Variants in PLD5 observed in about 807,000 individuals in gnomAD.
PLD5 encodes the protein phospholipase D family member 5.
A neutral mutation model predicts 61.1 loss-of-function variants in PLD5; 36 were observed. The observed-to-expected ratio is 0.59, with a 90% CI of 0.45 to 0.78. The LOEUF is 0.78. Among genes scored for constraint, PLD5 ranks in the 30% least tolerant of loss-of-function variants. The probability of loss-of-function intolerance (pLI) is 0.00; values close to 1 mark genes in which losing one functional copy is unlikely to be tolerated. For synonymous variants in PLD5, 243 were observed against 242.8 expected (o/e 1.00, Z -0.01); for missense variants, 515 against 644.4 (o/e 0.80, Z 2.17).
intron 4 of PLD5, among the ~76,000 whole-genome samples, chr1:242,264,367 T>G (rs944732627): frequency 6.6e-6 from 1 of 152,190 alleles, no homozygotes; most frequent in Non-Finnish European, 1.5e-5. Flanking sequence ...GGTAGGTACA[T>G]GTGCATGGCC....
chr1:242,290,195 G>A (rs2149140115), intron 2 of PLD5, among the ~76,000 whole-genome samples: 1 of 135,928 alleles, frequency 7.4e-6, no homozygotes, highest in East Asian at 2.1e-4. Flanking sequence ...AGGGTAAGAA[G>A]CTTAATCAGA....
At chr1:242,237,317 G>GAA (rs60100352) in intron 4 of PLD5, among the ~76,000 whole-genome samples, 214 of 149,120 alleles carry the variant, frequency 1.4e-3, no homozygotes, top group Middle Eastern at 3.5e-3. Flanking sequence ...AATGAGTTAA[G>GAA]AAAAAAAAAA....
chr1:242,168,873 C>A, intron 5 of PLD5, among the ~76,000 whole-genome samples: 1 of 38,516 alleles, frequency 2.6e-5, no homozygotes, highest in African/African-American at 1.6e-4. Flanking sequence ...TTTTACCACC[C>A]CCCATGATTC....
chr1:242,254,673 C>G (rs1213678218), intron 4 of PLD5, among the ~76,000 whole-genome samples: 1 of 152,108 alleles, frequency 6.6e-6, no homozygotes, highest in Non-Finnish European at 1.5e-5. Context: ...TCGTCTCAAA[C>G]AACCACCACC....
At position 242,106,131 on chromosome 1, in the gene PLD5, C is replaced by T. The variant is rs149801047; in HGVS notation, c.1239+1540G>A. 1.7e-3 allele frequency among the ~76,000 whole-genome samples: 256 copies of T among 152,244 alleles called. 1 individual carries two copies. Among genetic ancestry groups the T allele is most frequent in the African/African-American group, 5.4e-3 (226 of 41,532 alleles). On this transcript the variant is annotated intron_variant, in intron 8 of 9. Coordinates refer to ENST00000536534, the MANE Select transcript of PLD5 (RefSeq NM_001372062.1). ...CTGTGGACCAGGAACTGCCATGGGC[C>T]TCCAAGCCTTCCCTTTCTAATGGCA...
chr1:242,356,170 T>C (rs1238252830), intron 1 of PLD5, among the ~76,000 whole-genome samples: 2 of 132,398 alleles, frequency 1.5e-5, no homozygotes, highest in East Asian at 2.3e-4. Flanking sequence ...AAAGTGATTA[T>C]TAAATCCTCT....
chr1:242,455,432 A>G lies in PLD5; in HGVS notation c.189+68656T>C, dbSNP rs1276931852. On this transcript the variant is annotated intron_variant, in intron 1 of 9. Coordinates refer to ENST00000536534, the MANE Select transcript of PLD5 (RefSeq NM_001372062.1). Reference sequence around the variant, plus strand: ...AGAAGTCTTCTGAGGCAGGTTGCCAAAGAGATTTAGTGATGGTGAAACAAG... The same window carrying G: ...AGAAGTCTTCTGAGGCAGGTTGCCAGAGAGATTTAGTGATGGTGAAACAAG... Among the ~76,000 whole-genome samples the G allele has an allele frequency of 2.6e-5, 4 of 152,312 alleles. No individual in the cohort carries two copies. In the East Asian group the frequency reaches 5.8e-4, roughly 22 times the overall value.
In PLD5 at chr1:242,504,775, A is replaced by T. The variant is rs180804078; in HGVS notation, c.189+19313T>A. ...ATGATTTTCCCAAATATTTTTTTTT[A>T]AAAAAACTAATTTTTCTTATTATTC... On this transcript the variant is annotated intron_variant, in intron 1 of 9. Coordinates refer to ENST00000536534, the MANE Select transcript of PLD5 (RefSeq NM_001372062.1). Among the ~76,000 whole-genome samples the T allele has an allele frequency of 3.2e-3, 487 of 151,980 alleles. 3 individuals carry two copies. Among genetic ancestry groups the T allele is most frequent in the Middle Eastern group, 0.01 (3 of 294 alleles).
intron 1 of PLD5, among the ~76,000 whole-genome samples, chr1:242,436,496 A>C (rs1267539997): frequency 1.3e-5 from 2 of 152,184 alleles, no homozygotes; most frequent in Non-Finnish European, 2.9e-5. Flanking sequence ...AAAAAAATTT[A>C]TCTTTACAAC....
chr1:242,510,216 T>C (rs1185287626), intron 1 of PLD5, among the ~76,000 whole-genome samples: 2 of 151,044 alleles, frequency 1.3e-5, no homozygotes, highest in South Asian at 2.1e-4. Context: ...TCTAAGCACA[T>C]ACACACACAC....
At chr1:242,283,307 C>A (rs1242537204) in intron 3 of PLD5, among the ~76,000 whole-genome samples, 1 of 152,188 alleles carries the variant, frequency 6.6e-6, no homozygotes, top group African/African-American at 2.4e-5. Flanking sequence ...AATTGCTACT[C>A]TTCCAGAGAC....
chr1:242,297,070 G>T (rs780601027), intron 2 of PLD5, among the ~76,000 whole-genome samples: 26 of 152,062 alleles, frequency 1.7e-4, no homozygotes, highest in Non-Finnish European at 3.2e-4. Context: ...CCCTGGCTGG[G>T]CATGGTGGCT....
chr1:242,343,882 G>A (rs1362944928), intron 2 of PLD5, among the ~76,000 whole-genome samples: 2 of 152,090 alleles, frequency 1.3e-5, no homozygotes, highest in East Asian at 3.9e-4. Context: ...TAAGACAGAA[G>A]GGGTTGATAG....
intron 8 of PLD5, among the ~76,000 whole-genome samples, chr1:242,105,246 C>T (rs1261536451): frequency 1.3e-5 from 2 of 148,682 alleles, no homozygotes; most frequent in Admixed American, 1.4e-4. Flanking sequence ...CCTTCAGAGA[C>T]AGGGTCTTGC....
intron 4 of PLD5, among the ~76,000 whole-genome samples, chr1:242,240,041 A>G (rs1464287510): frequency 6.6e-6 from 1 of 152,244 alleles, no homozygotes; most frequent in Non-Finnish European, 1.5e-5. Context: ...TCTACCAGGA[A>G]CAAACATCTA....
Position 242,389,140 on chromosome 1 carries a change from G to A in PLD5, c.190-40898C>T, listed in dbSNP as rs1330703879. On this transcript the variant is annotated intron_variant, in intron 1 of 9. Transcript: ENST00000536534. ...GAGGTCACCAGGCATAATAACACGA[G>A]TCTGGAAGTAAGAAATTCTGTGAAA... is the stretch of plus-strand genomic sequence containing the variant. Among the ~76,000 whole-genome samples the A allele has an allele frequency of 3.3e-5, 5 of 151,776 alleles. No individual in the cohort carries two copies. In the East Asian group the frequency reaches 7.7e-4, roughly 23 times the overall value.
In PLD5 at chr1:242,247,885, G is replaced by T. The variant is rs184883435; in HGVS notation, c.607+17452C>A. Among the ~76,000 whole-genome samples the T allele has an allele frequency of 3.9e-5, 6 of 152,298 alleles. No individual in the cohort carries two copies. The East Asian group carries it at 1.2e-3, about 29-fold the overall frequency. On this transcript the variant is annotated intron_variant, in intron 4 of 9. Transcript: ENST00000536534. ...TTTGTGAACCTAACTCTGAGCAGCT[G>T]CTGTGGCAACCTGAAGGCAATAGGC...
intron 1 of PLD5, among the ~76,000 whole-genome samples, chr1:242,466,807 C>T (rs781579941): frequency 4.9e-4 from 75 of 151,740 alleles, no homozygotes; most frequent in Non-Finnish European, 8.1e-4. Context: ...GCAGGAGAAT[C>T]GCTTGAACCC....
At chr1:242,292,293 A>G (rs1574678049) in intron 2 of PLD5, among the ~76,000 whole-genome samples, 2 of 152,312 alleles carry the variant, frequency 1.3e-5, no homozygotes, top group East Asian at 1.9e-4. Flanking sequence ...CTCCAACAAA[A>G]CAATGCCAAA....
Sources: gnomAD v4.1 joint callset for allele counts (sites outside exome capture counted in the v4.1 genomes callset) on GRCh38, gnomAD v4.1.1 for gene constraint, MANE v1.5 for transcripts, NCBI Gene and HGNC (gene_info 2026-07-23, HGNC 2026-07-21) for gene names.